PRDM15: variants seen among roughly 807,000 people sequenced by gnomAD.
PRDM15 encodes PR/SET domain 15, also known as PR domain zinc finger protein 15.
A neutral mutation model predicts 128.6 loss-of-function variants in PRDM15; 64 were observed. That is an observed-to-expected ratio of 0.50 (90% CI 0.41 to 0.61). The LOEUF is 0.61. Among genes scored for constraint, PRDM15 ranks in the 20% least tolerant of loss-of-function variants. The pLI is 0.00. For synonymous variants in PRDM15, 615 were observed against 621.8 expected (o/e 0.99, Z 0.16); for missense variants, 1,242 against 1,569.1 (o/e 0.79, Z 3.52).
chr21:41,874,085 A>C (rs1166223722), intron 1 of PRDM15, among the ~76,000 whole-genome samples: 2 of 151,620 alleles, frequency 1.3e-5, no homozygotes, highest in Admixed American at 1.3e-4. Context: ...AAAAAAAAAA[A>C]AAAGCAAACT....
rs995953172 is a variant in PRDM15, at chr21:41,811,126, A to G, written c.2393-290T>C. The G allele has an allele frequency of 2.5e-6, 1 of 400,704 alleles. No individual in the cohort carries two copies. The highest frequency in any genetic ancestry group is 3.5e-5 in the Admixed American group (1 of 28,310). The allele number at this position is 400,704 out of a possible 1,614,324, so 24.8% of individuals were successfully genotyped here. A position where few individuals can be genotyped will look rare whatever the true frequency, so the allele number is the denominator to read the frequency against. On this transcript the variant is annotated intron_variant, in intron 19 of 23. Transcript: ENST00000398548. This position sits in a 1 kb window ranked among gnomAD's most constrained non-coding sequence, Gnocchi z 4.1. ...AACCCACATGTGGACAAGCAGAAAA[A>G]CGATAGGAATTTCTTTAAAGCATTA...
chr21:41,815,848 C>T lies in PRDM15; in HGVS notation c.2261-12G>A, dbSNP rs774072912. On this transcript the variant is annotated splice_polypyrimidine_tract_variant and intron_variant, in intron 18 of 23. Transcript: ENST00000398548. ...CTTGGTCTTCATGCCTTCAAGGACA[C>T]AGCGAGTCAGAGGCGGCCACACCCC... The T allele has an allele frequency of 6.2e-7, 1 of 1,612,180 alleles. No individual in the cohort carries two copies. Among genetic ancestry groups the T allele is most frequent in the Non-Finnish European group, 8.5e-7 (1 of 1,179,752 alleles).
rs1413125709 is a variant in PRDM15, at chr21:41,834,995, C to T, written c.1366+442G>A. ...AGGGGCAACCCCGTTCCACCCTGGACGCCGCAGGAGATGTGGATGGAGGAG... is the reference window on the plus strand; with the variant it reads ...AGGGGCAACCCCGTTCCACCCTGGATGCCGCAGGAGATGTGGATGGAGGAG... On this transcript the variant is annotated intron_variant, in intron 11 of 23. Transcript: ENST00000398548. Among the ~76,000 whole-genome samples, 5 of 152,140 alleles carry T rather than the reference C, an allele frequency of 3.3e-5. No homozygotes were observed. The South Asian group carries it at 6.2e-4, about 19-fold the overall frequency.
chr21:41,803,012 C>A, intron 22 of PRDM15, 91 bp from the exon 23 acceptor site: 1 of 981,054 alleles, frequency 1.0e-6, no homozygotes, highest in South Asian at 1.3e-5. Flanking sequence ...TGGACACACT[C>A]TCCAATCAGT....
rs114337111 is a variant in PRDM15 at position 41,815,751 on chromosome 21, C to T, written c.2346G>A (p.Arg782=). 0.021 allele frequency: 33,465 copies of T among 1,614,092 alleles called. 537 individuals are homozygous for T. Among genetic ancestry groups the T allele is most frequent in the Middle Eastern group, 0.075 (452 of 6,062 alleles). The change falls in exon 19 of 24, where the codon AGG becomes AGA. Residue 782 remains arginine, a synonymous_variant. Coordinates refer to ENST00000398548, the MANE Select transcript of PRDM15 (RefSeq NM_001040424.3). ...TGAGCATGTTGACCTTCTGCGCGAA[C>T]CTGCGGTGGCACTCCTTGCACTCGT... The part of the protein sequence containing the change: ...KEYECKECHR[R]FAQKVNMLKH...
Position 41,810,878 on chromosome 21 carries a change from G to A in PRDM15, c.2393-42C>T, listed in dbSNP as rs749800529. On this transcript the variant is annotated intron_variant, in intron 19 of 23. Transcript: ENST00000398548. The surrounding 1 kb of genome is among the most constrained non-coding windows in gnomAD (Gnocchi z 6.4). ...ACATAACTTCCTACGTTTAATGAGT[G>A]TTGTAAGTCCACATCAGGGCATGTC... The A allele has an allele frequency of 2.5e-6, 4 of 1,572,962 alleles. No homozygotes were observed. Among genetic ancestry groups the A allele is most frequent in the Non-Finnish European group, 2.6e-6 (3 of 1,142,846 alleles).
In PRDM15 at chr21:41,854,451, G is replaced by T; in HGVS notation, c.538+115C>A. ...CTCCTCCACTCTCCGCATCCCAGCAGCTGGCCCAGCCCAACCCATCTCATC... is the reference window on the plus strand; with the variant it reads ...CTCCTCCACTCTCCGCATCCCAGCATCTGGCCCAGCCCAACCCATCTCATC... On this transcript the variant is annotated intron_variant, in intron 5 of 23. Coordinates refer to ENST00000398548, the MANE Select transcript of PRDM15 (RefSeq NM_001040424.3). This position sits in a 1 kb window ranked among gnomAD's most constrained non-coding sequence, Gnocchi z 4.6. The T allele has an allele frequency of 7.5e-7, 1 of 1,339,854 alleles. No homozygotes were observed. The highest frequency in any genetic ancestry group is 1.0e-6 in the Non-Finnish European group (1 of 986,766). 83.0% of individuals were successfully genotyped at this position (1,339,854 alleles called of 1,614,324 possible).
chr21:41,815,002 A>T (rs1601160319), intron 19 of PRDM15: 1 of 153,574 alleles, frequency 6.5e-6, no homozygotes, highest in Non-Finnish European at 1.4e-5. Context: ...AGGGTGCTCT[A>T]GTGTTTTATG....
At position 41,854,847 on chromosome 21, in the gene PRDM15, C is replaced by T. The variant is rs377307739; in HGVS notation, c.286-29G>A. On this transcript the variant is annotated intron_variant, in intron 4 of 23. Transcript: ENST00000398548. This position sits in a 1 kb window ranked among gnomAD's most constrained non-coding sequence, Gnocchi z 4.6. The stretch of plus-strand genomic sequence containing the variant: ...AAGGTGAGTCGGCCCATGGAGAAGC[C>T]GGGGAAATGGCTGATTACCCATCTG... 3.0e-5 allele frequency: 47 copies of T among 1,578,750 alleles called. No individual in the cohort carries two copies. Among genetic ancestry groups the T allele is most frequent in the African/African-American group, 2.0e-4 (15 of 74,436 alleles).
rs1375139119 is a variant in PRDM15, at chr21:41,825,963, G to C, written c.1626C>G (p.Gly542=). The change falls in exon 13 of 24, where the codon GGC becomes GGG. Residue 542 remains glycine (G), a synonymous_variant. Transcript: ENST00000398548. ...KKEPSGCPVC[G]KVFSCRSNMN... ...CGACGTGGACTGCGAGCATTACCTT[G>C]CCACACACCGGGCACCCGGAAGGCT... is the stretch of plus-strand genomic sequence containing the variant. The C allele has an allele frequency of 1.9e-6, 3 of 1,612,226 alleles. No homozygotes were observed. The African/African-American group carries it at 4.0e-5, about 22-fold the overall frequency.
At chr21:41,824,966 C>T (rs945237226) in intron 13 of PRDM15, among the ~76,000 whole-genome samples, 3 of 152,256 alleles carry the variant, frequency 2.0e-5, no homozygotes, top group South Asian at 2.1e-4. Flanking sequence ...GCTGCTGAAA[C>T]GCTGGATGAG....
intron 18 of PRDM15, 94 bp from the exon 19 acceptor site, chr21:41,815,930 C>T: frequency 6.6e-7 from 1 of 1,510,882 alleles, no homozygotes; most frequent in Non-Finnish European, 9.0e-7. Context: ...CAGGCAGCGG[C>T]CCGTGCGGTA....
chr21:41,810,551 G>A lies in PRDM15; in HGVS notation c.2476+202C>T. 1.5e-6 allele frequency: 1 copy of A among 646,168 alleles called. No homozygotes were observed. The highest frequency in any genetic ancestry group is 2.7e-6 in the Non-Finnish European group (1 of 376,238). The allele number at this position is 646,168 out of a possible 1,614,324, so 40.0% of individuals were successfully genotyped here. A position where few individuals can be genotyped will look rare whatever the true frequency, so the allele number is the denominator to read the frequency against. The stretch of plus-strand genomic sequence containing the variant: ...AGCAGCTGCATCACGGAACCAATAT[G>A]AGAAAATTCAAGAAGGGATACTTGA... On this transcript the variant is annotated intron_variant, in intron 20 of 23. Coordinates refer to ENST00000398548, the MANE Select transcript of PRDM15 (RefSeq NM_001040424.3). The surrounding 1 kb of genome is among the most constrained non-coding windows in gnomAD (Gnocchi z 6.4).
intron 16 of PRDM15, among the ~76,000 whole-genome samples, chr21:41,820,756 T>C (rs939172067): frequency 2.6e-5 from 4 of 152,240 alleles, no homozygotes; most frequent in African/African-American, 9.6e-5. Flanking sequence ...TGGCCTGGCA[T>C]TAATGAAATC....
At chr21:41,875,421 A>G (rs945738487) in intron 1 of PRDM15, among the ~76,000 whole-genome samples, 11 of 152,204 alleles carry the variant, frequency 7.2e-5, no homozygotes, top group African/African-American at 2.7e-4. Context: ...TATTTCCTAA[A>G]ATGCCACTCC....
intron 1 of PRDM15, among the ~76,000 whole-genome samples, chr21:41,875,574 G>A (rs115315862): frequency 0.01 from 1,529 of 152,318 alleles, 22 homozygotes; most frequent in African/African-American, 0.034. Context: ...ATCTAGGCAC[G>A]GTGACGTGAC....
Position 41,857,232 on chromosome 21 carries a change from G to C in PRDM15, c.229C>G (p.Pro77Ala). 1.9e-6 allele frequency: 3 copies of C among 1,613,796 alleles called. No homozygotes were observed. The highest frequency in any genetic ancestry group is 2.5e-6 in the Non-Finnish European group (3 of 1,179,930). The change falls in exon 4 of 24, where the codon CCC (proline) becomes GCC (alanine). Residue 77 changes from proline to alanine, a missense_variant. Pro to Ala is a conservative substitution (Grantham distance 27). This residue lies in a region of PRDM15 where 612 missense variants were observed against 717.0 expected (regional missense o/e 0.85). Transcript: ENST00000398548. ...TQLVKRTQFG[P>A]FESRRVAKWE... is the part of the protein sequence containing the mutation. ...TTGGCGACCCTCCTGGACTCAAAGGGACCGAACTGTGTCCGCTTGACGAGC... is the reference window on the plus strand; with the variant it reads ...TTGGCGACCCTCCTGGACTCAAAGGCACCGAACTGTGTCCGCTTGACGAGC...
At chr21:41,818,395 C>T (rs1016649913) in intron 18 of PRDM15, among the ~76,000 whole-genome samples, 4 of 152,190 alleles carry the variant, frequency 2.6e-5, no homozygotes, top group Non-Finnish European at 5.9e-5. Context: ...AGTAACTATG[C>T]CACCTTCCAG....
chr21:41,849,061 G>A (rs550153326), intron 5 of PRDM15, among the ~76,000 whole-genome samples: 15 of 152,232 alleles, frequency 9.9e-5, no homozygotes, highest in Non-Finnish European at 1.8e-4. Flanking sequence ...AAAGTAAGCA[G>A]TAAGATGGGA....
Sources: gnomAD v4.1 joint callset for allele counts (sites outside exome capture counted in the v4.1 genomes callset) on GRCh38, gnomAD v4.1.1 for gene constraint, gnomAD v4.1.1 regional missense constraint, Gnocchi (gnomAD v3.1) non-coding constraint, MANE v1.5 for transcripts, NCBI Gene and HGNC (gene_info 2026-07-23, HGNC 2026-07-21) for gene names.